Variants in SLC39A10 observed in about 807,000 individuals in gnomAD.
The protein encoded by SLC39A10 is solute carrier family 39 member 10.
SLC39A10 carries 13 observed loss-of-function variants against 65.1 expected under a neutral mutation model. That is an observed-to-expected ratio of 0.20 (90% CI 0.13 to 0.32). The LOEUF is 0.32. Among genes scored for constraint, SLC39A10 ranks in the 10% least tolerant of loss-of-function variants. The pLI is 1.00. For synonymous variants in SLC39A10, 321 were observed against 342.2 expected, an observed-to-expected ratio of 0.94 and a Z score of 0.68; for missense variants, 831 against 1,018.4, an observed-to-expected ratio of 0.82 and a Z score of 2.50.
In SLC39A10 at chr2:195,701,858, T is replaced by A. The variant is rs143237484; in HGVS notation, c.1217-4758T>A. 8.5e-3 allele frequency among the ~76,000 whole-genome samples: 1,285 copies of A among 152,038 alleles called. 14 individuals are homozygous for A. The highest frequency in any genetic ancestry group is 0.011 in the Non-Finnish European group (738 of 67,972). The stretch of plus-strand genomic sequence containing the variant: ...CACCATGCCCAGCTAGTTTTTGTAT[T>A]TTTAGTAGAGATGGGTTTTTGTCAT... On this transcript the variant is annotated intron_variant, in intron 3 of 9. Transcript: ENST00000359634.
intron 6 of SLC39A10, among the ~76,000 whole-genome samples, chr2:195,715,328 C>G (rs1488519333): frequency 6.6e-6 from 1 of 151,740 alleles, no homozygotes; most frequent in Non-Finnish European, 1.5e-5. Context: ...GAGTTCAAGA[C>G]CAGCCTGACC....
intron 2 of SLC39A10, among the ~76,000 whole-genome samples, chr2:195,629,380 C>T (rs1008799643): frequency 7.1e-5 from 10 of 141,806 alleles, no homozygotes; most frequent in Non-Finnish European, 1.1e-4. Flanking sequence ...GACGACAGAG[C>T]GAGATTCCTT....
At position 195,680,602 on chromosome 2, in the gene SLC39A10, A is replaced by T. The variant is rs1324294846; in HGVS notation, c.560A>T (p.His187Leu). The change falls in exon 2 of 10, where the codon CAT becomes CTT. Residue 187 changes from histidine (H) to leucine (L), a missense_variant. This residue lies in a region of SLC39A10 where 446 missense variants were observed against 499.2 expected (regional missense o/e 0.89). Transcript: ENST00000359634. Reference sequence around the variant, plus strand: ...CGTCATCACCATCGTTTGCATCATCATCTTGATCATAACAACACTCACCAT... The same window carrying T: ...CGTCATCACCATCGTTTGCATCATCTTCTTGATCATAACAACACTCACCAT... Reference protein sequence around the residue: ...RLRHHHRLHHHLDHNNTHHFH... With the variant: ...RLRHHHRLHHLLDHNNTHHFH... The T allele has an allele frequency of 6.2e-7, 1 of 1,614,186 alleles. No homozygotes were observed. The highest frequency in any genetic ancestry group is 2.2e-5 in the East Asian group (1 of 44,888).
chr2:195,691,691 G>A (rs1690745007), intron 3 of SLC39A10, among the ~76,000 whole-genome samples: 1 of 151,992 alleles, frequency 6.6e-6, no homozygotes, highest in Non-Finnish European at 1.5e-5. Flanking sequence ...TTCATGCCCT[G>A]AGCCACTTTT....
intron 9 of SLC39A10, among the ~76,000 whole-genome samples, chr2:195,732,983 A>C (rs78386692): frequency 0.01 from 1,596 of 152,348 alleles, 36 homozygotes; most frequent in East Asian, 0.07. Flanking sequence ...GCTATTATAT[A>C]CCATTACCAT....
chr2:195,695,295 G>A (rs1387148539), intron 3 of SLC39A10, among the ~76,000 whole-genome samples: 1 of 152,190 alleles, frequency 6.6e-6, no homozygotes, highest in African/African-American at 2.4e-5. Flanking sequence ...GGGGGATGGG[G>A]ATGTGGTTCC....
rs1026537071 is a variant in SLC39A10, at chr2:195,632,656, C to T, written c.-12+26423C>T. Reference sequence around the variant, plus strand: ...GTACTTGATCTACTGATGTGAATTACGATTCATGGTTTCATCCATTTCTCT... The same window carrying T: ...GTACTTGATCTACTGATGTGAATTATGATTCATGGTTTCATCCATTTCTCT... On this transcript the variant is annotated intron_variant, in intron 2 of 2. Transcript: ENST00000458054. 4.6e-5 allele frequency among the ~76,000 whole-genome samples: 7 copies of T among 152,136 alleles called. No individual in the cohort carries two copies. In the East Asian group the frequency reaches 5.8e-4, roughly 13 times the overall value.
chr2:195,710,557 TA>T (rs1200322928), intron 5 of SLC39A10, among the ~76,000 whole-genome samples: 4 of 152,354 alleles, frequency 2.6e-5, no homozygotes, highest in Non-Finnish European at 5.9e-5. Flanking sequence ...CTGGTTTACA[TA>T]AAACTTATTT....
intron 3 of SLC39A10, among the ~76,000 whole-genome samples, chr2:195,692,317 T>C (rs1302322502): frequency 2.0e-5 from 3 of 152,250 alleles, no homozygotes; most frequent in African/African-American, 7.2e-5. Flanking sequence ...AGTCTTGCAT[T>C]GGCCCTGTAG....
chr2:195,638,107 A>AT (rs1187961072), intron 2 of SLC39A10, among the ~76,000 whole-genome samples: 1 of 152,122 alleles, frequency 6.6e-6, no homozygotes, highest in East Asian at 1.9e-4. Flanking sequence ...AGTCAGTAAA[A>AT]TTTGCCAAGT....
rs1194540990 is a variant in SLC39A10 at position 195,736,315 on chromosome 2, T to A, written c.*1274T>A. On this transcript the variant is annotated 3_prime_UTR_variant, in exon 10 of 10. Coordinates refer to ENST00000359634, the MANE Select transcript of SLC39A10 (RefSeq NM_020342.3). Reference sequence around the variant, plus strand: ...AAGTGCAAGCCATGTTTATCCTGAATTTTTACTTAATAATTTGTATTACTA... The same window carrying A: ...AAGTGCAAGCCATGTTTATCCTGAAATTTTACTTAATAATTTGTATTACTA... 2 of 164,688 alleles carry A rather than the reference T, an allele frequency of 1.2e-5. No homozygotes were observed. Among genetic ancestry groups the A allele is most frequent in the Non-Finnish European group, 2.9e-5 (2 of 68,110 alleles). The allele number at this position is 164,688 out of a possible 1,614,324, so 10.2% of individuals were successfully genotyped here.
intron 2 of SLC39A10, among the ~76,000 whole-genome samples, chr2:195,623,189 C>T (rs1688387066): frequency 6.6e-6 from 1 of 152,006 alleles, no homozygotes; most frequent in Non-Finnish European, 1.5e-5. Context: ...CACTTCCCTT[C>T]AAAGTAGAAT....
chr2:195,658,076 G>A (rs1689232549), intron 1 of SLC39A10: 1 of 152,516 alleles, frequency 6.6e-6, no homozygotes, highest in East Asian at 1.9e-4. Flanking sequence ...GGAGAGCGAT[G>A]TGGGGCGCGG....
intron 6 of SLC39A10, among the ~76,000 whole-genome samples, chr2:195,715,445 GA>G (rs1355480095): frequency 6.8e-6 from 1 of 147,082 alleles, no homozygotes; most frequent in Non-Finnish European, 1.5e-5. Flanking sequence ...AGAATCGCTT[GA>G]ACTTGGGAGG....
intron 8 of SLC39A10, among the ~76,000 whole-genome samples, chr2:195,718,989 T>A (rs910331980): frequency 1.3e-5 from 2 of 151,960 alleles, no homozygotes; most frequent in African/African-American, 2.4e-5. Flanking sequence ...TATGTGTTTC[T>A]TATGTGATTT....
chr2:195,662,606 G>T (rs1443321322), intron 1 of SLC39A10, among the ~76,000 whole-genome samples: 1 of 152,106 alleles, frequency 6.6e-6, no homozygotes, highest in Non-Finnish European at 1.5e-5. Flanking sequence ...TAAATAAAAA[G>T]AAACAATTTC....
At chr2:195,718,082 C>A (rs1221354218) in intron 7 of SLC39A10, among the ~76,000 whole-genome samples, 170 bp from the exon 8 acceptor site, 1 of 152,160 alleles carries the variant, frequency 6.6e-6, no homozygotes, top group Non-Finnish European at 1.5e-5. Context: ...TTGTTACATA[C>A]TTATTATACT....
chr2:195,676,213 G>C (rs1292432155), intron 1 of SLC39A10, among the ~76,000 whole-genome samples: 1 of 151,584 alleles, frequency 6.6e-6, no homozygotes, highest in Non-Finnish European at 1.5e-5. Flanking sequence ...ACAGAGTCTT[G>C]CTGTGTCTCC....
At chr2:195,636,380 T>C (rs12477707) in intron 2 of SLC39A10, among the ~76,000 whole-genome samples, 33,187 of 152,202 alleles carry the variant, frequency 0.22, 4,256 homozygotes, top group East Asian at 0.6. Flanking sequence ...TTAAATTTTT[T>C]TTATTTTTAG....
Sources: gnomAD v4.1 joint callset for allele counts (sites outside exome capture counted in the v4.1 genomes callset) on GRCh38, gnomAD v4.1.1 for gene constraint, gnomAD v4.1.1 regional missense constraint, MANE v1.5 for transcripts, NCBI Gene and HGNC (gene_info 2026-07-23, HGNC 2026-07-21) for gene names.